The following TXNDC16 variants were observed in gnomAD, a reference collection of about 807,000 sequenced individuals.
TXNDC16 encodes thioredoxin domain containing 16, also known as thioredoxin domain-containing protein 16.
TXNDC16 carries 74 observed loss-of-function variants against 85.6 expected under a neutral mutation model. That is an observed-to-expected ratio of 0.86 (90% confidence interval 0.72 to 1.05). The LOEUF (loss-of-function observed/expected upper bound fraction) is 1.05. Ranked by LOEUF, TXNDC16 falls within the 50% of genes least tolerant of loss-of-function variation. The pLI, the probability that TXNDC16 is intolerant of heterozygous loss-of-function variation, is 0.00. For synonymous variants in TXNDC16, 335 were observed against 326.5 expected, an observed-to-expected ratio of 1.03 and a Z score of -0.28; for missense variants, 959 against 947.0, an observed-to-expected ratio of 1.01 and a Z score of -0.17.
intron 14 of TXNDC16, among the ~76,000 whole-genome samples, chr14:52,473,679 T>C (rs2035956929): frequency 6.6e-6 from 1 of 152,200 alleles, no homozygotes; most frequent in African/African-American, 2.4e-5. Context: ...ATATACTTTA[T>C]CAATGCAGTA....
chr14:52,484,206 G>GT (rs1041074893), intron 12 of TXNDC16, among the ~76,000 whole-genome samples: 8 of 150,460 alleles, frequency 5.3e-5, no homozygotes, highest in Non-Finnish European at 7.4e-5. Flanking sequence ...TAAGGGGGGG[G>GT]GGTGATTGGA....
intron 19 of TXNDC16, among the ~76,000 whole-genome samples, chr14:52,440,039 T>G (rs1345144270): frequency 1.3e-5 from 2 of 152,206 alleles, no homozygotes; most frequent in African/African-American, 4.8e-5. Flanking sequence ...AAATGTACAC[T>G]GCCCCATTTC....
chr14:52,516,586 A>C (rs1279890404), intron 7 of TXNDC16, among the ~76,000 whole-genome samples: 2 of 152,190 alleles, frequency 1.3e-5, no homozygotes, highest in African/African-American at 4.8e-5. Flanking sequence ...GTGGTATTCC[A>C]CTATGCTGGG....
intron 18 of TXNDC16, among the ~76,000 whole-genome samples, chr14:52,448,846 T>G (rs1594686248): frequency 6.6e-6 from 1 of 152,072 alleles, no homozygotes; most frequent in East Asian, 1.9e-4. Context: ...TAGTTTTCCT[T>G]TGCTTGTTCG....
intron 9 of TXNDC16, among the ~76,000 whole-genome samples, chr14:52,508,270 C>G (rs1280950041): frequency 1.3e-5 from 2 of 152,180 alleles, no homozygotes; most frequent in African/African-American, 4.8e-5. Flanking sequence ...TGAATAGACA[C>G]TTCTCAAAAG....
chr14:52,507,848 A>C (rs2036850293), intron 9 of TXNDC16, among the ~76,000 whole-genome samples: 1 of 152,222 alleles, frequency 6.6e-6, no homozygotes, highest in African/African-American at 2.4e-5. Context: ...GTGCTGGAAA[A>C]ACTGGCTAGC....
intron 20 of TXNDC16, among the ~76,000 whole-genome samples, chr14:52,437,326 G>A (rs2140099235): frequency 6.6e-6 from 1 of 152,122 alleles, no homozygotes. Flanking sequence ...AAAAACACCT[G>A]TTAGAACTAA....
chr14:52,541,641 T>C (rs1170319756), intron 4 of TXNDC16, among the ~76,000 whole-genome samples: 1 of 152,200 alleles, frequency 6.6e-6, no homozygotes, highest in African/African-American at 2.4e-5. Flanking sequence ...AGCCATCTTT[T>C]AGAAGAGGAA....
At chr14:52,438,918 A>AT (rs1555332436) in intron 20 of TXNDC16, among the ~76,000 whole-genome samples, 2 of 152,128 alleles carry the variant, frequency 1.3e-5, no homozygotes, top group South Asian at 2.1e-4. Context: ...CACTGTAACA[A>AT]CTTTTTTAAT....
At chr14:52,501,690 G>C (rs1488031899) in intron 9 of TXNDC16, among the ~76,000 whole-genome samples, 1 of 152,074 alleles carries the variant, frequency 6.6e-6, no homozygotes, top group Non-Finnish European at 1.5e-5. Context: ...CCACCTTTTG[G>C]GACCTCTCTA....
chr14:52,473,115 C>G (rs572454821), intron 14 of TXNDC16, among the ~76,000 whole-genome samples: 30 of 152,250 alleles, frequency 2.0e-4, no homozygotes, highest in South Asian at 4.1e-4. Context: ...CCTTCTCAAA[C>G]TAGACTATAA....
chr14:52,505,424 GC>G (rs1486664189), intron 9 of TXNDC16, among the ~76,000 whole-genome samples: 3 of 152,114 alleles, frequency 2.0e-5, no homozygotes, highest in African/African-American at 7.2e-5. Flanking sequence ...ATTCAAAACC[GC>G]TCAACTACAT....
intron 6 of TXNDC16, among the ~76,000 whole-genome samples, chr14:52,530,234 T>C (rs1566581741): frequency 1.4e-5 from 1 of 69,506 alleles, no homozygotes; most frequent in South Asian, 5.0e-4. Flanking sequence ...TAATATTACA[T>C]ATAATAATAT....
intron 1 of TXNDC16, among the ~76,000 whole-genome samples, chr14:52,550,265 T>A (rs965288971): frequency 2.0e-5 from 3 of 152,214 alleles, no homozygotes; most frequent in Non-Finnish European, 4.4e-5. Context: ...ATATAACGCT[T>A]ACAAAGTTCC....
chr14:52,502,647 G>A (rs561648081), intron 9 of TXNDC16, among the ~76,000 whole-genome samples: 9 of 152,214 alleles, frequency 5.9e-5, no homozygotes, highest in Non-Finnish European at 1.0e-4. Flanking sequence ...CCCAGAGTGA[G>A]CGAGGCAGAA....
intron 4 of TXNDC16, among the ~76,000 whole-genome samples, chr14:52,541,088 T>C (rs1411432643): frequency 2.6e-5 from 4 of 152,004 alleles, no homozygotes; most frequent in African/African-American, 9.7e-5. Context: ...ATATAAAAAT[T>C]AGCCAGACAT....
At position 52,474,320 on chromosome 14, in the gene TXNDC16, C is replaced by G. The variant is rs570214896; in HGVS notation, c.1313-3640G>C. Among the ~76,000 whole-genome samples, 11 of 152,320 alleles carry G rather than the reference C, an allele frequency of 7.2e-5. No homozygotes were observed. In the South Asian group the frequency reaches 2.1e-3, roughly 29 times the overall value. ...ATGATTTATATTTTCTCCTCCTTTG[C>G]TTTTCTTCTAATTATTTGCCAATAA... On this transcript the variant is annotated intron_variant, in intron 14 of 20. Coordinates refer to ENST00000281741, the MANE Select transcript of TXNDC16 (RefSeq NM_020784.3).
chr14:52,546,669 A>T (rs1010998035), intron 1 of TXNDC16, among the ~76,000 whole-genome samples: 2 of 152,254 alleles, frequency 1.3e-5, no homozygotes, highest in Non-Finnish European at 2.9e-5. Context: ...CTAATGTGTA[A>T]TAAGCATGTG....
At chr14:52,499,093 T>C (rs1326550991) in intron 9 of TXNDC16, among the ~76,000 whole-genome samples, 1 of 152,156 alleles carries the variant, frequency 6.6e-6, no homozygotes, top group East Asian at 1.9e-4. Context: ...CTTCAATAGA[T>C]GGTGCTGGGA....
Sources: allele counts gnomAD v4.1 joint callset (sites outside exome capture counted in the v4.1 genomes callset), GRCh38; gene constraint gnomAD v4.1.1; transcripts MANE v1.5; gene names NCBI Gene and HGNC (gene_info 2026-07-23, HGNC 2026-07-21).